RXYLT1: variants seen among roughly 807,000 people sequenced by gnomAD.
RXYLT1 encodes ribitol xylosyltransferase 1.
In RXYLT1, 41 loss-of-function variants were observed where a neutral mutation model predicts 43.5. That is an observed-to-expected ratio of 0.94 (90% CI 0.73 to 1.22). The LOEUF (loss-of-function observed/expected upper bound fraction) is 1.22. RXYLT1 is among the 50% of genes most tolerant of loss of function. The pLI, the probability that RXYLT1 is intolerant of heterozygous loss-of-function variation, is 0.00. For missense variants in RXYLT1, 514 were observed against 532.0 expected (o/e 0.97, Z 0.33); for synonymous variants, 166 against 194.4 (o/e 0.85, Z 1.21).
At chr12:63,783,267 C>G (rs1897726156) in intron 2 of RXYLT1, among the ~76,000 whole-genome samples, 2 of 152,148 alleles carry the variant, frequency 1.3e-5, no homozygotes, top group Non-Finnish European at 2.9e-5. Flanking sequence ...TCAAGACCAG[C>G]CTGGCCATCA....
chr12:63,799,817 T>C (rs1047079350), intron 3 of RXYLT1, among the ~76,000 whole-genome samples: 8 of 152,202 alleles, frequency 5.3e-5, no homozygotes, highest in Non-Finnish European at 8.8e-5. Context: ...CCTGCTTATA[T>C]TTCTAAAAGA....
intron 3 of RXYLT1, 41 bp from the exon 4 acceptor site, chr12:63,802,050 G>T (rs1898170614): frequency 6.6e-7 from 1 of 1,517,932 alleles, no homozygotes; most frequent in Non-Finnish European, 8.9e-7. Context: ...CTTTGTTCAG[G>T]CTTTGTTTGT....
rs758413599 is a variant in RXYLT1 at position 63,809,402 on chromosome 12, G to A, written c.*310G>A. The A allele has an allele frequency of 8.2e-5, 19 of 231,352 alleles. No homozygotes were observed. Among genetic ancestry groups the A allele is most frequent in the Non-Finnish European group, 1.5e-4 (18 of 120,010 alleles). 14.3% of individuals were successfully genotyped at this position (231,352 alleles called of 1,614,324 possible). ...TGTAAACAAATCTATTGCACTGCCA[G>A]TCAAGTAAAAGTACAGCAATTATGT... On this transcript the variant is annotated 3_prime_UTR_variant, in exon 6 of 6. Transcript: ENST00000261234.
chr12:63,787,635 G>GT (rs111363436), intron 3 of RXYLT1, among the ~76,000 whole-genome samples: 5,321 of 148,722 alleles, frequency 0.036, 119 homozygotes, highest in Middle Eastern at 0.066. Context: ...GTTGTTTGTT[G>GT]TTTTTTTTTT....
intron 3 of RXYLT1, among the ~76,000 whole-genome samples, chr12:63,791,480 C>A (rs568813996): frequency 1.9e-3 from 285 of 152,314 alleles, no homozygotes; most frequent in African/African-American, 6.6e-3. Context: ...TAAAACATGT[C>A]AGATGGCATT....
chr12:63,804,330 G>A (rs181965989), intron 4 of RXYLT1: 3 of 152,262 alleles, frequency 2.0e-5, no homozygotes, highest in Non-Finnish European at 2.9e-5. Context: ...TATACAAACT[G>A]TTAGGTAAAA....
chr12:63,783,623 C>G (rs142076279), intron 2 of RXYLT1, among the ~76,000 whole-genome samples: 2 of 152,278 alleles, frequency 1.3e-5, no homozygotes, highest in East Asian at 3.9e-4. Context: ...TCAAGGCAAT[C>G]TAATCTAGGC....
Position 63,805,216 on chromosome 12 carries a change from G to A in RXYLT1, c.744-18G>A, listed in dbSNP as rs368145453. 13 of 1,579,834 alleles carry A rather than the reference G, an allele frequency of 8.2e-6. No individual in the cohort carries two copies. In the African/African-American group the frequency reaches 1.5e-4, roughly 18 times the overall value. On this transcript the variant is annotated intron_variant, in intron 4 of 5. Transcript: ENST00000261234. ...AATTCTATATCATATGTTAATTCATGTGTATTTATTTTTATAGATACAGGA... is the reference window on the plus strand; with the variant it reads ...AATTCTATATCATATGTTAATTCATATGTATTTATTTTTATAGATACAGGA...
rs756646986 is a variant in RXYLT1 at position 63,809,058 on chromosome 12, TA to T, written c.1299del (p.Glu434LysfsTer5). ...TELKMKFTNILESSFLMNNKS is the reference protein window; with the variant it reads ...TELKMKFTNIXESSFLMNNKS ...CTTAAAATGAAATTTACTAATATTT[TA>T]GAAAGCTCATTTTTAATGAATAATA... is the stretch of plus-strand genomic sequence containing the variant. On this transcript the variant is annotated frameshift_variant, in exon 6 of 6. Coordinates refer to ENST00000261234, the MANE Select transcript of RXYLT1 (RefSeq NM_014254.3). LOFTEE classifies it high-confidence loss of function. 1.9e-6 allele frequency: 3 copies of T among 1,562,162 alleles called. No individual in the cohort carries two copies. The Admixed American group carries it at 6.1e-5, about 32-fold the overall frequency.
At position 63,805,224 on chromosome 12, in the gene RXYLT1, A is replaced by G. The variant is rs1438370388; in HGVS notation, c.744-10A>G. On this transcript the variant is annotated splice_polypyrimidine_tract_variant and intron_variant, in intron 4 of 5. Coordinates refer to ENST00000261234, the MANE Select transcript of RXYLT1 (RefSeq NM_014254.3). ...ATCATATGTTAATTCATGTGTATTT[A>G]TTTTTATAGATACAGGAATTTTCCT... 1 of 1,584,662 alleles carries G rather than the reference A, an allele frequency of 6.3e-7. No individual in the cohort carries two copies. Among genetic ancestry groups the G allele is most frequent in the Non-Finnish European group, 8.5e-7 (1 of 1,169,694 alleles).
At position 63,805,407 on chromosome 12, in the gene RXYLT1, A is replaced by G; in HGVS notation, c.914+3A>G. ...TGTTGGGTTTCAGCAAGAGAACAGT[A>G]AGTTCTATGCTTATTTAATTCATTC... On this transcript the variant is annotated splice_donor_region_variant and intron_variant, in intron 5 of 5. Transcript: ENST00000261234. 3.1e-6 allele frequency: 5 copies of G among 1,595,722 alleles called. No homozygotes were observed. Among genetic ancestry groups the G allele is most frequent in the Non-Finnish European group, 4.3e-6 (5 of 1,172,934 alleles).
rs756499655 is a variant in RXYLT1 at position 63,785,075 on chromosome 12, ATTGG to A, written c.428+7_428+10del. The A allele has an allele frequency of 1.9e-6, 3 of 1,602,454 alleles. No individual in the cohort carries two copies. Among genetic ancestry groups the A allele is most frequent in the Non-Finnish European group, 2.6e-6 (3 of 1,172,624 alleles). ...ATCGTAGGAAGAACACAGTACAGGT[ATTGG>A]TTGTATTAGTTGTGCAACATTAACC... On this transcript the variant is annotated splice_donor_5th_base_variant and intron_variant, in intron 3 of 5. Coordinates refer to ENST00000261234, the MANE Select transcript of RXYLT1 (RefSeq NM_014254.3).
rs752261610 is a variant in RXYLT1, at chr12:63,785,089, T to C, written c.428+17T>C. 2.9e-5 allele frequency: 45 copies of C among 1,573,328 alleles called. No homozygotes were observed. In the Admixed American group the frequency reaches 2.9e-4, roughly 10 times the overall value. ...ACAGTACAGGTATTGGTTGTATTAG[T>C]TGTGCAACATTAACCTTTGATGTTT... is the stretch of plus-strand genomic sequence containing the variant. On this transcript the variant is annotated intron_variant, in intron 3 of 5. Transcript: ENST00000261234.
chr12:63,787,877 G>A (rs779046699), intron 3 of RXYLT1, among the ~76,000 whole-genome samples: 11 of 152,148 alleles, frequency 7.2e-5, no homozygotes, highest in Non-Finnish European at 1.2e-4. Flanking sequence ...TGATCCACCC[G>A]CTTCAGCCTC....
At chr12:63,786,431 A>C (rs1230540670) in intron 3 of RXYLT1, among the ~76,000 whole-genome samples, 3 of 152,156 alleles carry the variant, frequency 2.0e-5, no homozygotes, top group Non-Finnish European at 2.9e-5. Context: ...AAGTCATATG[A>C]ATTTTTTTAT....
intron 2 of RXYLT1, among the ~76,000 whole-genome samples, chr12:63,782,922 T>G (rs917372302): frequency 4.6e-5 from 7 of 152,182 alleles, no homozygotes; most frequent in Non-Finnish European, 7.3e-5. Flanking sequence ...CCCTTTTGCT[T>G]AACAGTTTTT....
intron 5 of RXYLT1, chr12:63,806,629 A>G (rs913294990): frequency 6.6e-6 from 1 of 152,264 alleles, no homozygotes; most frequent in Admixed American, 6.5e-5. Context: ...TATTATGGGA[A>G]TAATTCTTGT....
rs756576089 is a variant in RXYLT1 at position 63,802,371 on chromosome 12, G to A, written c.709G>A (p.Val237Met). Reference sequence around the variant, plus strand: ...ATATGACAGCCCCTGGATTAATGACGTGGATGTTTTTCAGTGGCCTTTAGG... The same window carrying A: ...ATATGACAGCCCCTGGATTAATGACATGGATGTTTTTCAGTGGCCTTTAGG... ...IIYDSPWIND[V>M]DVFQWPLGVA... is the part of the protein sequence containing the mutation. The change falls in exon 4 of 6, where the codon GTG becomes ATG. Residue 237 changes from valine (V) to methionine (M), a missense_variant. Physicochemically the swap from Val to Met is conservative, Grantham distance 21. Coordinates refer to ENST00000261234, the MANE Select transcript of RXYLT1 (RefSeq NM_014254.3). The A allele has an allele frequency of 1.0e-5, 16 of 1,591,928 alleles. No homozygotes were observed. Among genetic ancestry groups the A allele is most frequent in the South Asian group, 9.0e-5 (8 of 88,404 alleles).
intron 3 of RXYLT1, among the ~76,000 whole-genome samples, chr12:63,786,487 TTAAG>T (rs945673204): frequency 6.6e-5 from 10 of 152,052 alleles, no homozygotes; most frequent in Non-Finnish European, 4.4e-5. Context: ...CTACAGTCTA[TTAAG>T]TGTGTAATAG....
Sources: gnomAD v4.1 joint callset for allele counts (sites outside exome capture counted in the v4.1 genomes callset) on GRCh38, gnomAD v4.1.1 for gene constraint, MANE v1.5 for transcripts, NCBI Gene and HGNC (gene_info 2026-07-23, HGNC 2026-07-21) for gene names.